SLC30A4: variants seen among roughly 807,000 people sequenced by gnomAD.
SLC30A4 encodes probable proton-coupled zinc antiporter SLC30A4.
In SLC30A4, 20 loss-of-function variants were observed where a neutral mutation model predicts 41.7. That is an observed-to-expected ratio of 0.48 (90% CI 0.34 to 0.70). The LOEUF (loss-of-function observed/expected upper bound fraction) is 0.70, where lower values mean the gene tolerates loss of function less well. Among genes scored for constraint, SLC30A4 ranks in the 30% least tolerant of loss-of-function variants. The pLI, the probability that SLC30A4 is intolerant of heterozygous loss-of-function variation, is 0.01. For synonymous variants in SLC30A4, 181 were observed against 195.9 expected, an observed-to-expected ratio of 0.92 and a Z score of 0.64; for missense variants, 441 against 529.3, an observed-to-expected ratio of 0.83 and a Z score of 1.64.
At chr15:45,503,537 A>G (rs1377560084) in intron 3 of SLC30A4, among the ~76,000 whole-genome samples, 2 of 151,974 alleles carry the variant, frequency 1.3e-5, no homozygotes, top group Admixed American at 6.6e-5. Context: ...AATCGCTTCA[A>G]TCTGGGAGGG....
chr15:45,493,237 ACTTCAG>A (rs1227962082), intron 3 of SLC30A4, among the ~76,000 whole-genome samples: 2 of 152,208 alleles, frequency 1.3e-5, no homozygotes, highest in Non-Finnish European at 2.9e-5. Context: ...ACACCACTGC[ACTTCAG>A]CCTGGGTGAA....
intron 3 of SLC30A4, among the ~76,000 whole-genome samples, chr15:45,500,713 G>A (rs1027638489): frequency 3.3e-5 from 5 of 150,342 alleles, no homozygotes; most frequent in South Asian, 4.2e-4. Flanking sequence ...ACGGAGTTTC[G>A]CTCTTGTTGC....
At chr15:45,509,212 G>T (rs1892224077) in intron 3 of SLC30A4, among the ~76,000 whole-genome samples, 1 of 150,464 alleles carries the variant, frequency 6.6e-6, no homozygotes, top group Admixed American at 6.6e-5. Flanking sequence ...TATATAATAT[G>T]TTGAGAAGCA....
intron 3 of SLC30A4, among the ~76,000 whole-genome samples, chr15:45,493,422 G>A (rs185497977): frequency 6.6e-6 from 1 of 152,272 alleles, no homozygotes; most frequent in Admixed American, 6.5e-5. Context: ...TCAAAAGTTG[G>A]TTAAGTATAT....
rs374600482 is a variant in SLC30A4, at chr15:45,488,950, C to T, written c.785G>A (p.Arg262His). The change falls in exon 5 of 8, where the codon CGT (arginine) becomes CAT (histidine). Residue 262 changes from arginine (R) to histidine (H), a missense_variant. Physicochemically the swap from Arg to His is conservative, Grantham distance 29. This residue lies in a region of SLC30A4 where 312 missense variants were observed against 341.9 expected (regional missense o/e 0.91). Coordinates refer to ENST00000261867, the MANE Select transcript of SLC30A4 (RefSeq NM_013309.6). ...TGCCAGGCTATCCTGCCCATGGTTA[C>T]GTTCACACCCAGAACCTCTGGTAGG... ...NSPTRGSGCERNHGQDSLAVR... is the reference protein window; with the variant it reads ...NSPTRGSGCEHNHGQDSLAVR... 27 of 1,613,960 alleles carry T rather than the reference C, an allele frequency of 1.7e-5. No individual in the cohort carries two copies. The highest frequency in any genetic ancestry group is 5.0e-5 in the Admixed American group (3 of 59,994).
chr15:45,499,521 A>G (rs1891977092), intron 3 of SLC30A4, among the ~76,000 whole-genome samples: 2 of 152,300 alleles, frequency 1.3e-5, no homozygotes, highest in South Asian at 4.1e-4. Context: ...AAAACCATAT[A>G]AATATAGTCA....
Position 45,486,547 on chromosome 15 carries a change from G to T in SLC30A4, c.1135+64C>A, listed in dbSNP as rs1324559701. 10 of 1,381,494 alleles carry T rather than the reference G, an allele frequency of 7.2e-6. No individual in the cohort carries two copies. The East Asian group carries it at 7.8e-5, about 11-fold the overall frequency. The allele number at this position is 1,381,494 out of a possible 1,614,324, so 85.6% of individuals were successfully genotyped here. A position where few individuals can be genotyped will look rare whatever the true frequency, so the allele number is the denominator to read the frequency against. On this transcript the variant is annotated intron_variant, in intron 7 of 7. Transcript: ENST00000261867. Reference sequence around the variant, plus strand: ...GTCTTCCTACATAATTATAAGCAGGGATGTTTAGTTTCAAAGGCAGAAGTC... The same window carrying T: ...GTCTTCCTACATAATTATAAGCAGGTATGTTTAGTTTCAAAGGCAGAAGTC...
rs1891626417 is a variant in SLC30A4, at chr15:45,482,949, C to T, written c.*2214G>A. Reference sequence around the variant, plus strand: ...TACTACAGGTGTGCACGACGCCTGGCTGATTTTTATATTTTTGTAGAGACA... The same window carrying T: ...TACTACAGGTGTGCACGACGCCTGGTTGATTTTTATATTTTTGTAGAGACA... On this transcript the variant is annotated 3_prime_UTR_variant, in exon 8 of 8. Coordinates refer to ENST00000261867, the MANE Select transcript of SLC30A4 (RefSeq NM_013309.6). 1.3e-5 allele frequency: 2 copies of T among 152,224 alleles called. No individual in the cohort carries two copies. Among genetic ancestry groups the T allele is most frequent in the African/African-American group, 4.8e-5 (2 of 41,546 alleles). 9.4% of individuals were successfully genotyped at this position (152,224 alleles called of 1,614,324 possible). A position where few individuals can be genotyped will look rare whatever the true frequency, so the allele number is the denominator to read the frequency against.
chr15:45,488,705 T>C (rs1891752881), intron 5 of SLC30A4, 136 bp downstream of exon 5: 11 of 664,894 alleles, frequency 1.7e-5, no homozygotes, highest in South Asian at 3.9e-5. Flanking sequence ...ACTATAATGA[T>C]TGTCAAGTAA....
At chr15:45,486,075 T>C (rs994317857) in intron 7 of SLC30A4, among the ~76,000 whole-genome samples, 7 of 151,808 alleles carry the variant, frequency 4.6e-5, no homozygotes, top group African/African-American at 1.7e-4. Flanking sequence ...CAGACTAGAC[T>C]GCAGTGGCGC....
chr15:45,482,082 AAAAG>A lies in SLC30A4; in HGVS notation c.*3077_*3080del, dbSNP rs1161056825. 1 of 153,622 alleles carries A rather than the reference AAAAG, an allele frequency of 6.5e-6. No individual in the cohort carries two copies. The highest frequency in any genetic ancestry group is 1.4e-5 in the Non-Finnish European group (1 of 71,250). The allele number at this position is 153,622 out of a possible 1,614,324, so 9.5% of individuals were successfully genotyped here. A position where few individuals can be genotyped will look rare whatever the true frequency, so the allele number is the denominator to read the frequency against. ...TAAAAAAAAAAAAAAAAAAAAAAAA[AAAAG>A]ATTTACAAAGGTTTGCAGTGTTTCT... On this transcript the variant is annotated 3_prime_UTR_variant, in exon 8 of 8. Transcript: ENST00000261867.
chr15:45,497,873 T>G (rs375610549), intron 3 of SLC30A4, among the ~76,000 whole-genome samples: 2 of 152,192 alleles, frequency 1.3e-5, no homozygotes, highest in African/African-American at 4.8e-5. Context: ...ATGTACTACC[T>G]ATTTCCCCAC....
At position 45,481,693 on chromosome 15, in the gene SLC30A4, C is replaced by A. The variant is rs1233533519; in HGVS notation, c.*3470G>T. ...AGTGTAATGCATGGTTGTAGCTCAA[C>A]AAGTGAAGGATAGACCAAACGCTTT... On this transcript the variant is annotated 3_prime_UTR_variant, in exon 8 of 8. Coordinates refer to ENST00000261867, the MANE Select transcript of SLC30A4 (RefSeq NM_013309.6). The A allele has an allele frequency of 6.6e-6, 1 of 152,166 alleles. No homozygotes were observed. The highest frequency in any genetic ancestry group is 1.5e-5 in the Non-Finnish European group (1 of 68,040). The allele number at this position is 152,166 out of a possible 1,614,324, so 9.4% of individuals were successfully genotyped here.
intron 5 of SLC30A4, among the ~76,000 whole-genome samples, chr15:45,488,136 A>T (rs1891743928): frequency 6.6e-6 from 1 of 152,142 alleles, no homozygotes; most frequent in African/African-American, 2.4e-5. Context: ...AATAAAGAAG[A>T]GGGAACTCAA....
chr15:45,505,414 CAGAT>C (rs781238636), intron 3 of SLC30A4, among the ~76,000 whole-genome samples: 4 of 152,110 alleles, frequency 2.6e-5, no homozygotes, highest in Non-Finnish European at 5.9e-5. Flanking sequence ...TTACTATTGT[CAGAT>C]AGAGTGTAAA....
intron 3 of SLC30A4, among the ~76,000 whole-genome samples, chr15:45,492,911 T>C (rs1211007089): frequency 6.6e-6 from 1 of 152,206 alleles, no homozygotes; most frequent in African/African-American, 2.4e-5. Flanking sequence ...TTTTTTACTA[T>C]ATAAATATGA....
chr15:45,479,999 A>G lies in SLC30A4; in HGVS notation c.*5164T>C, dbSNP rs1478599381. On this transcript the variant is annotated 3_prime_UTR_variant, in exon 8 of 8. Transcript: ENST00000261867. ...TAAACTGTGATATGGCTTATTTAAT[A>G]ACATGTATTTATTGAGAGAAGCATA... is the stretch of plus-strand genomic sequence containing the variant. 3 of 152,196 alleles carry G rather than the reference A, an allele frequency of 2.0e-5. No homozygotes were observed. The highest frequency in any genetic ancestry group is 7.2e-5 in the African/African-American group (3 of 41,456). 9.4% of individuals were successfully genotyped at this position (152,196 alleles called of 1,614,324 possible). A position where few individuals can be genotyped will look rare whatever the true frequency, so the allele number is the denominator to read the frequency against.
intron 3 of SLC30A4, among the ~76,000 whole-genome samples, chr15:45,492,960 A>G (rs1216513063): frequency 6.6e-6 from 1 of 152,222 alleles, no homozygotes; most frequent in African/African-American, 2.4e-5. Flanking sequence ...TAACAAAAAG[A>G]GCAATGTGAA....
chr15:45,507,593 T>A (rs1892189723), intron 3 of SLC30A4, among the ~76,000 whole-genome samples: 1 of 151,340 alleles, frequency 6.6e-6, no homozygotes, highest in South Asian at 2.1e-4. Context: ...GTTCAAGTGA[T>A]TCTCATGTCT....
Sources: allele counts gnomAD v4.1 joint callset (sites outside exome capture counted in the v4.1 genomes callset), GRCh38; gene constraint gnomAD v4.1.1; regional missense constraint gnomAD v4.1.1; transcripts MANE v1.5; gene names NCBI Gene and HGNC (gene_info 2026-07-23, HGNC 2026-07-21).